Variants in RGS3 observed in about 807,000 individuals in gnomAD.
RGS3 encodes the protein regulator of G protein signaling 3.
In RGS3, 80 loss-of-function variants were observed where a neutral mutation model predicts 132.6. That is an observed-to-expected ratio of 0.60 (90% CI 0.50 to 0.73). The LOEUF (loss-of-function observed/expected upper bound fraction) is 0.73, where lower values mean the gene tolerates loss of function less well. Among genes scored for constraint, RGS3 ranks in the 30% least tolerant of loss-of-function variants. The probability of loss-of-function intolerance (pLI) is 0.00; values close to 1 mark genes in which losing one functional copy is unlikely to be tolerated. For synonymous variants in RGS3, 598 were observed against 620.6 expected (o/e 0.96, Z 0.54); for missense variants, 1,382 against 1,530.8 (o/e 0.90, Z 1.62).
chr9:113,462,734 G>A (rs1431142983), intron 3 of RGS3, among the ~76,000 whole-genome samples: 2 of 152,162 alleles, frequency 1.3e-5, no homozygotes, highest in Admixed American at 6.5e-5. Flanking sequence ...TCTGGCATCT[G>A]GTACTCAACA....
intron 3 of RGS3, among the ~76,000 whole-genome samples, chr9:113,469,922 G>A (rs1183600767): frequency 1.5e-5 from 2 of 130,240 alleles, no homozygotes; most frequent in Non-Finnish European, 3.2e-5. Flanking sequence ...TTTTGTCGTT[G>A]TTGTTTTGAG....
chr9:113,446,023 T>G (rs1039488390), intron 1 of RGS3, among the ~76,000 whole-genome samples: 2 of 151,860 alleles, frequency 1.3e-5, no homozygotes, highest in African/African-American at 4.8e-5. Flanking sequence ...TGGGAGGGAG[T>G]GAGGGTTTCA....
At chr9:113,534,245 C>A (rs2118581705) in intron 18 of RGS3, among the ~76,000 whole-genome samples, 1 of 152,320 alleles carries the variant, frequency 6.6e-6, no homozygotes, top group Non-Finnish European at 1.5e-5. Context: ...CCCCTTCTTA[C>A]CGTTCATGCC....
intron 15 of RGS3, chr9:113,517,148 G>T (rs555666469): frequency 2.2e-6 from 1 of 450,102 alleles, no homozygotes; most frequent in Non-Finnish European, 4.4e-6. Context: ...CTCTCAGGAT[G>T]CCTCTTGGTC....
At chr9:113,480,697 G>A (rs975193962) in intron 4 of RGS3, among the ~76,000 whole-genome samples, 1 of 152,196 alleles carries the variant, frequency 6.6e-6, no homozygotes, top group African/African-American at 2.4e-5. Context: ...CATGCACAGG[G>A]CTAGCAAGTG....
At chr9:113,548,608 C>G (rs896445284) in intron 19 of RGS3, among the ~76,000 whole-genome samples, 4 of 152,056 alleles carry the variant, frequency 2.6e-5, no homozygotes, top group Admixed American at 2.0e-4. Flanking sequence ...CTGCCAGGCC[C>G]GATGTGAGGA....
At chr9:113,489,537 T>C (rs143248231) in intron 7 of RGS3, among the ~76,000 whole-genome samples, 16 of 152,262 alleles carry the variant, frequency 1.1e-4, no homozygotes, top group African/African-American at 3.9e-4. Flanking sequence ...TTTCATTGAT[T>C]GATTGAGACA....
At chr9:113,508,825 G>A (rs972661599) in intron 14 of RGS3, among the ~76,000 whole-genome samples, 14 of 152,330 alleles carry the variant, frequency 9.2e-5, no homozygotes, top group Admixed American at 3.9e-4. Context: ...TTGAGAGACC[G>A]TGTGTCCAGG....
At chr9:113,544,537 C>T (rs72763804) in intron 19 of RGS3, among the ~76,000 whole-genome samples, 18,100 of 152,126 alleles carry the variant, frequency 0.12, 1,298 homozygotes, top group African/African-American at 0.19. Context: ...CACATGGCAC[C>T]AAGGCACCAA....
At chr9:113,503,144 C>T (rs1315094397) in intron 10 of RGS3, among the ~76,000 whole-genome samples, 9 of 152,120 alleles carry the variant, frequency 5.9e-5, no homozygotes, top group Non-Finnish European at 1.0e-4. Context: ...CAGGAAAGAG[C>T]GAGAACCACC....
intron 3 of RGS3, among the ~76,000 whole-genome samples, chr9:113,465,073 T>C (rs1829585276): frequency 6.6e-6 from 1 of 151,716 alleles, no homozygotes; most frequent in Admixed American, 6.6e-5. Context: ...CCATTCCTTA[T>C]GCCAAGTGTT....
rs1374911356 is a variant in RGS3 at position 113,463,692 on chromosome 9, G to T, written c.415+1491G>T. The T allele has an allele frequency of 2.1e-6, 3 of 1,421,152 alleles. No individual in the cohort carries two copies. The African/African-American group carries it at 4.4e-5, about 21-fold the overall frequency. 88.0% of individuals were successfully genotyped at this position (1,421,152 alleles called of 1,614,324 possible). ...CGCCCTGGCCGTTCCAACGCTTGGGGCAGCCCTACCTCCCGCTCGCGCTCC... is the reference window on the plus strand; with the variant it reads ...CGCCCTGGCCGTTCCAACGCTTGGGTCAGCCCTACCTCCCGCTCGCGCTCC... On this transcript the variant is annotated intron_variant, in intron 3 of 24. Transcript: ENST00000350696. The surrounding 1 kb of genome is among the most constrained non-coding windows in gnomAD (Gnocchi z 4.6).
chr9:113,483,204 G>C, intron 5 of RGS3, 87 bp downstream of exon 3: 1 of 922,718 alleles, frequency 1.1e-6, no homozygotes, highest in South Asian at 1.6e-5. Flanking sequence ...CACCTGTGGG[G>C]CTGGTGACCT....
chr9:113,499,230 A>G (rs1454949588), intron 10 of RGS3, among the ~76,000 whole-genome samples: 1 of 151,048 alleles, frequency 6.6e-6, no homozygotes, highest in South Asian at 2.1e-4. Flanking sequence ...CCATCTCAAA[A>G]AAAAAAAAAA....
chr9:113,495,415 A>T (rs1830649010), intron 7 of RGS3, among the ~76,000 whole-genome samples: 1 of 152,098 alleles, frequency 6.6e-6, no homozygotes, highest in Non-Finnish European at 1.5e-5. Context: ...GTTCTCCTCC[A>T]CTGAGCATCA....
At chr9:113,447,383 A>C (rs1291140484) in intron 1 of RGS3, among the ~76,000 whole-genome samples, 11 of 117,746 alleles carry the variant, frequency 9.3e-5, no homozygotes, top group African/African-American at 3.0e-4. Flanking sequence ...AAGATAAATA[A>C]GGTAGAAATG....
Position 113,595,784 on chromosome 9 carries a change from CCCTCCGCTCCT to C in RGS3, c.3411+22_3411+32del. Reference sequence around the variant, plus strand: ...CAAGGAGGTAGGACCTCAGGGCAGACCCTCCGCTCCTCCAATCCCCAGGGCCCAGTGGCCCT... The same window carrying C: ...CAAGGAGGTAGGACCTCAGGGCAGACCCAATCCCCAGGGCCCAGTGGCCCT... On this transcript the variant is annotated intron_variant, in intron 24 of 24. Transcript: ENST00000350696. 1 of 1,608,830 alleles carries C rather than the reference CCCTCCGCTCCT, an allele frequency of 6.2e-7. No homozygotes were observed. The highest frequency in any genetic ancestry group is 8.5e-7 in the Non-Finnish European group (1 of 1,176,514).
intron 18 of RGS3, among the ~76,000 whole-genome samples, chr9:113,534,699 G>A (rs947545006): frequency 6.7e-6 from 1 of 149,972 alleles, no homozygotes; most frequent in African/African-American, 2.5e-5. Context: ...GTAGCCTCAA[G>A]CTCCTGGGCT....
chr9:113,518,306 C>T (rs747744394), intron 16 of RGS3, among the ~76,000 whole-genome samples: 12 of 152,198 alleles, frequency 7.9e-5, no homozygotes, highest in Non-Finnish European at 1.3e-4. Context: ...GCAGATCAGG[C>T]CCCAATGTAG....
Sources: gnomAD v4.1 joint callset for allele counts (sites outside exome capture counted in the v4.1 genomes callset) on GRCh38, gnomAD v4.1.1 for gene constraint, Gnocchi (gnomAD v3.1) non-coding constraint, MANE v1.5 for transcripts, NCBI Gene and HGNC (gene_info 2026-07-23, HGNC 2026-07-21) for gene names.